CD96: variants seen among roughly 807,000 people sequenced by gnomAD.
The protein encoded by CD96 is T-cell surface protein tactile.
CD96 carries 70 observed loss-of-function variants against 71.3 expected under a neutral mutation model. The observed-to-expected ratio is 0.98, with a 90% CI of 0.81 to 1.20. The LOEUF (loss-of-function observed/expected upper bound fraction) is 1.20. Among genes scored for constraint, CD96 ranks in the 50% most tolerant of loss-of-function variants. The pLI is 0.00. For missense variants in CD96, 742 were observed against 677.5 expected, an observed-to-expected ratio of 1.10 and a Z score of -1.06; for synonymous variants, 248 against 233.0, an observed-to-expected ratio of 1.06 and a Z score of -0.59.
chr3:111,647,907 G>C (rs1939908662), intron 13 of CD96, among the ~76,000 whole-genome samples: 1 of 152,108 alleles, frequency 6.6e-6, no homozygotes, highest in Non-Finnish European at 1.5e-5. Flanking sequence ...TCGTCAGATA[G>C]AGCAAGTCCG....
At chr3:111,621,011 A>T (rs1452626221) in intron 8 of CD96, among the ~76,000 whole-genome samples, 1 of 152,248 alleles carries the variant, frequency 6.6e-6, no homozygotes, top group East Asian at 1.9e-4. Flanking sequence ...GTTATACTTC[A>T]TCAGGATTCC....
At chr3:111,550,109 G>A (rs1229719441) in intron 2 of CD96, among the ~76,000 whole-genome samples, 1 of 152,074 alleles carries the variant, frequency 6.6e-6, no homozygotes, top group African/African-American at 2.4e-5. Context: ...AATCAGGAGT[G>A]AATTGGGTCA....
At chr3:111,627,825 A>T (rs879495130) in intron 10 of CD96, among the ~76,000 whole-genome samples, 1 of 152,218 alleles carries the variant, frequency 6.6e-6, no homozygotes, top group Non-Finnish European at 1.5e-5. Context: ...TTGCTGTTTC[A>T]CAACCTTCAC....
At chr3:111,653,280 T>C (rs1444690659), downstream of CD96, among the ~76,000 whole-genome samples, 1 of 152,134 alleles carries the variant, frequency 6.6e-6, no homozygotes. Context: ...ACTCACAGCC[T>C]ACCTCAACAG....
At chr3:111,614,571 C>T (rs1397895889) in intron 8 of CD96, among the ~76,000 whole-genome samples, 1 of 152,158 alleles carries the variant, frequency 6.6e-6, no homozygotes. Context: ...TTCTGAAGGT[C>T]AGCTCCTCTT....
intron 2 of CD96, among the ~76,000 whole-genome samples, chr3:111,552,675 T>C (rs1934776507): frequency 1.3e-5 from 2 of 150,886 alleles, no homozygotes; most frequent in Admixed American, 1.3e-4. Flanking sequence ...TTTACAAAAA[T>C]AGGCAACAAG....
intron 2 of CD96, among the ~76,000 whole-genome samples, chr3:111,546,543 C>G (rs926197240): frequency 2.0e-5 from 3 of 152,100 alleles, no homozygotes; most frequent in Non-Finnish European, 2.9e-5. Flanking sequence ...ATAATAATGC[C>G]TGCCCTAAAT....
chr3:111,638,090 A>G lies in CD96; in HGVS notation c.1399A>G (p.Thr467Ala). The G allele has an allele frequency of 6.2e-7, 1 of 1,602,326 alleles. No homozygotes were observed. The highest frequency in any genetic ancestry group is 8.6e-7 in the Non-Finnish European group (1 of 1,169,248). ...AGSTLHDNVF[T>A]STARAFSEVP... ...CTTTATATCCCTAGACAATGTCTTT[A>G]CCAGCACAGCCAGAGCATTTTCAGA... The change falls in exon 12 of 14, where the codon ACC (threonine) becomes GCC (alanine). Residue 467 changes from threonine to alanine, a missense_variant. Physicochemically the swap from Thr to Ala is moderately conservative, Grantham distance 58 (BLOSUM62 0). Coordinates refer to ENST00000352690, the MANE Select transcript of CD96 (RefSeq NM_005816.5).
At chr3:111,659,118 TGTG>T (rs995000724) in intron 14 of CD96, among the ~76,000 whole-genome samples, 9 of 152,216 alleles carry the variant, frequency 5.9e-5, no homozygotes, top group African/African-American at 2.2e-4. Flanking sequence ...CTTGGGAGAT[TGTG>T]TGTTTCCAGA....
rs987115682 is a variant in CD96 at position 111,593,385 on chromosome 3, G to A, written c.808-4735G>A. ...TAGGAACCTCGTAGATAAGCATTTG[G>A]TCAATTCAGACCTGCTCAGATTAAC... is the stretch of plus-strand genomic sequence containing the variant. On this transcript the variant is annotated intron_variant, in intron 5 of 13. Transcript: ENST00000352690. The A allele has an allele frequency of 6.1e-6, 5 of 825,448 alleles. No homozygotes were observed. The African/African-American group carries it at 8.5e-5, about 14-fold the overall frequency. 51.1% of individuals were successfully genotyped at this position (825,448 alleles called of 1,614,324 possible). A position where few individuals can be genotyped will look rare whatever the true frequency, so the allele number is the denominator to read the frequency against.
chr3:111,584,416 A>G (rs1936608126), intron 4 of CD96, among the ~76,000 whole-genome samples: 1 of 152,190 alleles, frequency 6.6e-6, no homozygotes, highest in Non-Finnish European at 1.5e-5. Flanking sequence ...CCAAAGTTGC[A>G]TCCACATTTT....
At chr3:111,658,358 GAGAC>G (rs1559784304) in intron 14 of CD96, among the ~76,000 whole-genome samples, 1 of 152,184 alleles carries the variant, frequency 6.6e-6, no homozygotes, top group East Asian at 1.9e-4. Flanking sequence ...TAGTCAGAGA[GAGAC>G]AGAGAGAGAA....
At position 111,637,179 on chromosome 3, in the gene CD96, A is replaced by AT. The variant is rs1559771062; in HGVS notation, c.1322-16dup. 1 of 1,418,274 alleles carries AT rather than the reference A, an allele frequency of 7.1e-7. No homozygotes were observed. Among genetic ancestry groups the AT allele is most frequent in the African/African-American group, 1.4e-5 (1 of 71,092 alleles). 87.9% of individuals were successfully genotyped at this position (1,418,274 alleles called of 1,614,324 possible). ...AGTCTCATATAGGTTAACTCTTCTGATATCTTCTTCCTTTAGCAGTTTCAC... is the reference window on the plus strand; with the variant it reads ...AGTCTCATATAGGTTAACTCTTCTGATTATCTTCTTCCTTTAGCAGTTTCAC... On this transcript the variant is annotated splice_polypyrimidine_tract_variant and intron_variant, in intron 10 of 13. Transcript: ENST00000352690.
rs775543611 is a variant in CD96, at chr3:111,647,666, T to A, written c.1601T>A (p.Ile534Lys). 10 of 1,602,878 alleles carry A rather than the reference T, an allele frequency of 6.2e-6. No individual in the cohort carries two copies. Among genetic ancestry groups the A allele is most frequent in the Non-Finnish European group, 8.5e-6 (10 of 1,170,104 alleles). ...VRKWCQYQKE[I>K]MERPPPFKPP... ...AAATGGTGTCAGTACCAAAAAGAAATGTGAGTATAATACTAACATATGTAG... is the reference window on the plus strand; with the variant it reads ...AAATGGTGTCAGTACCAAAAAGAAAAGTGAGTATAATACTAACATATGTAG... Residue 534 changes from isoleucine to lysine, a missense_variant and splice_region_variant, in exon 13 of 14, where the codon ATA becomes AAA. By Grantham distance (102) the Ile-to-Lys change is moderately radical. Coordinates refer to ENST00000352690, the MANE Select transcript of CD96 (RefSeq NM_005816.5).
intron 8 of CD96, among the ~76,000 whole-genome samples, chr3:111,615,839 C>G (rs1024885427): frequency 6.6e-6 from 1 of 152,174 alleles, no homozygotes; most frequent in Non-Finnish European, 1.5e-5. Context: ...CGACTGCCCT[C>G]TCCCTTTCTC....
chr3:111,587,414 C>T (rs1011137274), intron 5 of CD96, among the ~76,000 whole-genome samples: 4 of 152,132 alleles, frequency 2.6e-5, no homozygotes, highest in Non-Finnish European at 4.4e-5. Flanking sequence ...ACAAGCTCTG[C>T]CAGTGTGGCT....
chr3:111,555,988 A>C (rs1935000317), intron 2 of CD96, among the ~76,000 whole-genome samples: 1 of 152,296 alleles, frequency 6.6e-6, no homozygotes, highest in Admixed American at 6.5e-5. Context: ...TAGATAATTT[A>C]TATTGAACAA....
chr3:111,598,779 C>G (rs1395330193), intron 6 of CD96, among the ~76,000 whole-genome samples: 4 of 152,112 alleles, frequency 2.6e-5, no homozygotes, highest in Admixed American at 6.5e-5. Context: ...TCAAGACAAG[C>G]TCAGGTGAAA....
At chr3:111,620,095 C>CAAAAG in intron 8 of CD96, among the ~76,000 whole-genome samples, 1 of 152,324 alleles carries the variant, frequency 6.6e-6, no homozygotes, top group South Asian at 2.1e-4. Flanking sequence ...CATGGCTATG[C>CAAAAG]CCTCTGCCTG....
Sources: allele counts gnomAD v4.1 joint callset (sites outside exome capture counted in the v4.1 genomes callset), GRCh38; gene constraint gnomAD v4.1.1; transcripts MANE v1.5; gene names NCBI Gene and HGNC (gene_info 2026-07-23, HGNC 2026-07-21).